Variants in CPD observed in about 807,000 individuals in gnomAD.
The protein encoded by CPD is carboxypeptidase D, also known as metallocarboxypeptidase D.
CPD carries 69 observed loss-of-function variants against 138.3 expected under a neutral mutation model. The observed-to-expected ratio is 0.50, with a 90% CI of 0.41 to 0.61. CPD has a LOEUF of 0.61. Ranked by LOEUF, CPD falls within the 20% of genes least tolerant of loss-of-function variation. The pLI is 0.00. For synonymous variants in CPD, 651 were observed against 642.1 expected (o/e 1.01, Z -0.21); for missense variants, 1,432 against 1,733.3 (o/e 0.83, Z 3.09).
In CPD at chr17:30,467,319, A is replaced by G. The variant is rs1000736107; in HGVS notation, c.*2505A>G. 1.3e-5 allele frequency: 2 copies of G among 152,552 alleles called. No homozygotes were observed. The highest frequency in any genetic ancestry group is 6.6e-5 in the Admixed American group (1 of 15,266). 9.4% of individuals were successfully genotyped at this position (152,552 alleles called of 1,614,324 possible). On this transcript the variant is annotated 3_prime_UTR_variant, in exon 21 of 21. Coordinates refer to ENST00000225719, the MANE Select transcript of CPD (RefSeq NM_001304.5). Reference sequence around the variant, plus strand: ...AGCCTTCTTCCTTCCCAGCTCCTTAATAAAAGCAAAGTGATTGAGTAGGTA... The same window carrying G: ...AGCCTTCTTCCTTCCCAGCTCCTTAGTAAAAGCAAAGTGATTGAGTAGGTA...
At chr17:30,416,392 T>C (rs927559425) in intron 2 of CPD, among the ~76,000 whole-genome samples, 3 of 152,238 alleles carry the variant, frequency 2.0e-5, no homozygotes, top group Non-Finnish European at 4.4e-5. Flanking sequence ...GTTAACACTA[T>C]TGTACTGTAC....
chr17:30,399,997 T>G (rs915960884), intron 2 of CPD, among the ~76,000 whole-genome samples: 1 of 152,050 alleles, frequency 6.6e-6, no homozygotes, highest in African/African-American at 2.4e-5. Flanking sequence ...TCTCAAAAAA[T>G]AAATAAATAA....
At position 30,464,692 on chromosome 17, in the gene CPD, CATG is replaced by C. The variant is rs763044272; in HGVS notation, c.4026_4028del (p.Asp1342del). On this transcript the variant is annotated inframe_deletion, in exon 21 of 21. Transcript: ENST00000225719. ...TGGCTTTCATCGGCTCAGGCAGCAT[CATG>C]ATGAGTATGAAGATGAAATTCGCAT... 4 of 1,613,870 alleles carry C rather than the reference CATG, an allele frequency of 2.5e-6. No individual in the cohort carries two copies. The highest frequency in any genetic ancestry group is 3.4e-6 in the Non-Finnish European group (4 of 1,179,912).
chr17:30,432,694 C>T (rs765360182), intron 8 of CPD, among the ~76,000 whole-genome samples: 12 of 151,976 alleles, frequency 7.9e-5, no homozygotes, highest in Admixed American at 1.3e-4. Context: ...ATTGCTTGAG[C>T]TCTCAGGAGT....
At chr17:30,437,544 G>A (rs888753774) in intron 8 of CPD, among the ~76,000 whole-genome samples, 8 of 151,958 alleles carry the variant, frequency 5.3e-5, no homozygotes, top group African/African-American at 1.5e-4. Flanking sequence ...AATTAGCCAG[G>A]TGTGTGGGTG....
At position 30,468,293 on chromosome 17, in the gene CPD, A is replaced by C. The variant is rs1913697398; in HGVS notation, c.*3479A>C. ...ATATGTATGATTATGATTTTTATAA[A>C]TGGCATAACATGAGTGTACTAACTA... On this transcript the variant is annotated 3_prime_UTR_variant, in exon 21 of 21. Transcript: ENST00000225719. 6.6e-6 allele frequency: 1 copy of C among 152,632 alleles called. No individual in the cohort carries two copies. Among genetic ancestry groups the C allele is most frequent in the Non-Finnish European group, 1.5e-5 (1 of 68,010 alleles). The allele number at this position is 152,632 out of a possible 1,614,324, so 9.5% of individuals were successfully genotyped here.
chr17:30,379,338 G>C lies in CPD; in HGVS notation c.358G>C (p.Asp120His). The C allele has an allele frequency of 6.7e-7, 1 of 1,490,230 alleles. No individual in the cohort carries two copies. 92.3% of individuals were successfully genotyped at this position (1,490,230 alleles called of 1,614,324 possible). A position where few individuals can be genotyped will look rare whatever the true frequency, so the allele number is the denominator to read the frequency against. ...CGCGGGGCCTGACGCTGCCGGGCCC[G>C]ACGCTGCGGGGCCGCTGCTGCCCGG... ...GDAGPDAAGP[D>H]AAGPLLPGRP... The change falls in exon 1 of 21, where the codon GAC (aspartate) becomes CAC (histidine). Residue 120 changes from aspartate (D) to histidine (H), a missense_variant. By Grantham distance (81) the Asp-to-His change is moderately conservative. Around this residue, in one of 6 missense-constraint regions of CPD, gnomAD observed 484 missense variants for 477.2 expected, o/e 1.01. Coordinates refer to ENST00000225719, the MANE Select transcript of CPD (RefSeq NM_001304.5). This position sits in a 1 kb window ranked among gnomAD's most constrained non-coding sequence, Gnocchi z 7.0.
intron 8 of CPD, among the ~76,000 whole-genome samples, chr17:30,432,616 C>A (rs1372847419): frequency 6.6e-6 from 1 of 151,912 alleles, no homozygotes; most frequent in East Asian, 1.9e-4. Flanking sequence ...ATTTAAAAAT[C>A]GTTCTTAGGA....
At chr17:30,444,451 C>T (rs1028477851) in intron 11 of CPD, among the ~76,000 whole-genome samples, 3 of 150,336 alleles carry the variant, frequency 2.0e-5, no homozygotes, top group African/African-American at 4.9e-5. Flanking sequence ...GAACATTTCT[C>T]GTTCTTTTAA....
At chr17:30,430,747 G>C (rs2143438386) in intron 7 of CPD, among the ~76,000 whole-genome samples, 1 of 152,148 alleles carries the variant, frequency 6.6e-6, no homozygotes, top group Non-Finnish European at 1.5e-5. Context: ...TCAAACTCCT[G>C]AGCTCAGGCA....
intron 13 of CPD, 58 bp downstream of exon 13, chr17:30,449,806 A>G: frequency 7.0e-7 from 1 of 1,437,410 alleles, no homozygotes; most frequent in South Asian, 1.4e-5. Context: ...CATTAATATC[A>G]GGGCACCATT....
chr17:30,380,796 A>T (rs1445949290), intron 1 of CPD, among the ~76,000 whole-genome samples: 1 of 152,180 alleles, frequency 6.6e-6, no homozygotes, highest in Non-Finnish European at 1.5e-5. Flanking sequence ...AGAGGAATAA[A>T]ATAAGAGGGA....
chr17:30,401,423 CTCTTCCTCTTCT>C (rs1486691962), intron 2 of CPD, among the ~76,000 whole-genome samples: 6 of 148,542 alleles, frequency 4.0e-5, no homozygotes, highest in African/African-American at 1.5e-4. Context: ...CCTCTTCCTC[CTCTTCCTCTTCT>C]TCTTCCTCAT....
At chr17:30,396,968 A>G (rs542471753) in intron 2 of CPD, among the ~76,000 whole-genome samples, 5 of 152,002 alleles carry the variant, frequency 3.3e-5, no homozygotes, top group African/African-American at 2.4e-5. Context: ...TCTTCTCCCA[A>G]TTGACTGAAG....
chr17:30,391,666 C>T (rs887678893), intron 2 of CPD, among the ~76,000 whole-genome samples: 1 of 151,502 alleles, frequency 6.6e-6, no homozygotes, highest in Admixed American at 6.6e-5. Flanking sequence ...TAGCTGTGTG[C>T]GTGTGTGTGT....
At chr17:30,438,771 ATAAGT>A (rs1912770602) in intron 8 of CPD, among the ~76,000 whole-genome samples, 199 bp from the exon 9 acceptor site, 1 of 152,176 alleles carries the variant, frequency 6.6e-6, no homozygotes, top group South Asian at 2.1e-4. Context: ...TTAAAAATAG[ATAAGT>A]TCAGATAGTG....
intron 2 of CPD, among the ~76,000 whole-genome samples, chr17:30,419,057 C>G (rs1912193295): frequency 6.6e-6 from 1 of 152,142 alleles, no homozygotes; most frequent in South Asian, 2.1e-4. Context: ...GTGCATATTT[C>G]AAGAACTAGA....
At position 30,461,294 on chromosome 17, in the gene CPD, C is replaced by G; in HGVS notation, c.3613C>G (p.Leu1205Val). 6.2e-7 allele frequency: 1 copy of G among 1,602,420 alleles called. No homozygotes were observed. The highest frequency in any genetic ancestry group is 8.5e-7 in the Non-Finnish European group (1 of 1,174,910). ...SLWADNKRSL[L>V]SMLVEVHKGV... ...GTGGGCAGACAATAAGAGATCTCTTCTTAGTATGTTAGTGGAGGTGAGTCT... is the reference window on the plus strand; with the variant it reads ...GTGGGCAGACAATAAGAGATCTCTTGTTAGTATGTTAGTGGAGGTGAGTCT... The change falls in exon 18 of 21, where the codon CTT becomes GTT. Residue 1205 changes from leucine (L) to valine (V), a missense_variant. By Grantham distance (32) the Leu-to-Val change is conservative. Around this residue, in one of 6 missense-constraint regions of CPD, gnomAD observed 366 missense variants for 518.8 expected, o/e 0.71. Coordinates refer to ENST00000225719, the MANE Select transcript of CPD (RefSeq NM_001304.5).
At chr17:30,437,941 A>G (rs1012912793) in intron 8 of CPD, among the ~76,000 whole-genome samples, 1 of 138,194 alleles carries the variant, frequency 7.2e-6, no homozygotes, top group African/African-American at 2.8e-5. Context: ...GGGTCAAGCT[A>G]TTTTCCCATC....
Sources: gnomAD v4.1 joint callset for allele counts (sites outside exome capture counted in the v4.1 genomes callset) on GRCh38, gnomAD v4.1.1 for gene constraint, gnomAD v4.1.1 regional missense constraint, Gnocchi (gnomAD v3.1) non-coding constraint, MANE v1.5 for transcripts, NCBI Gene and HGNC (gene_info 2026-07-23, HGNC 2026-07-21) for gene names.